Variants in KAT14 observed in about 807,000 individuals in gnomAD.
KAT14 encodes the protein cysteine-rich protein 2-binding protein.
A neutral mutation model predicts 78.4 loss-of-function variants in KAT14; 66 were observed. The observed-to-expected ratio is 0.84, with a 90% confidence interval of 0.69 to 1.03. KAT14 has a LOEUF of 1.03. Among genes scored for constraint, KAT14 ranks in the 50% least tolerant of loss-of-function variants. The pLI is 0.00. For missense variants in KAT14, 870 were observed against 972.5 expected, an observed-to-expected ratio of 0.89 and a Z score of 1.40; for synonymous variants, 344 against 359.4, an observed-to-expected ratio of 0.96 and a Z score of 0.48.
At chr20:18,167,905 A>G (rs535614498) in intron 7 of KAT14, among the ~76,000 whole-genome samples, 9 of 151,970 alleles carry the variant, frequency 5.9e-5, no homozygotes, top group Middle Eastern at 3.4e-3. Context: ...AAAAAAGTAC[A>G]TTTTCATGCA....
chr20:18,139,257 T>C (rs762475536), intron 1 of KAT14, among the ~76,000 whole-genome samples: 58 of 152,194 alleles, frequency 3.8e-4, no homozygotes, highest in Non-Finnish European at 7.1e-4. Flanking sequence ...GCTTTTGGAA[T>C]AGAGGCAGAA....
intron 3 of KAT14, among the ~76,000 whole-genome samples, chr20:18,150,439 C>G (rs541427362): frequency 1.3e-5 from 2 of 152,068 alleles, no homozygotes; most frequent in African/African-American, 4.8e-5. Context: ...CTGGAGGCCT[C>G]CTGCTGGCCA....
chr20:18,186,536 A>G (rs1412424033), intron 10 of KAT14, among the ~76,000 whole-genome samples: 2 of 152,188 alleles, frequency 1.3e-5, no homozygotes, highest in African/African-American at 2.4e-5. Flanking sequence ...AATCTCAAGG[A>G]CTCTATCAAC....
intron 7 of KAT14, among the ~76,000 whole-genome samples, chr20:18,175,657 C>A (rs897950613): frequency 1.3e-5 from 2 of 152,076 alleles, no homozygotes; most frequent in African/African-American, 4.8e-5. Context: ...CATTTTTTCT[C>A]ACTTATTTGA....
At position 18,162,778 on chromosome 20, in the gene KAT14, A is replaced by C. The variant is rs1166373796; in HGVS notation, c.1501A>C (p.Arg501=). The C allele has an allele frequency of 6.2e-7, 1 of 1,614,228 alleles. No individual in the cohort carries two copies. Among genetic ancestry groups the C allele is most frequent in the Non-Finnish European group, 8.5e-7 (1 of 1,180,040 alleles). The change falls in exon 7 of 11, where the codon AGG becomes CGG. Residue 501 remains arginine, a synonymous_variant. Transcript: ENST00000688188. Reference sequence around the variant, plus strand: ...CAAACTGATTGTCAGACAAGCGAAAAGGGATAGGGGATTACCACTTTTTGA... The same window carrying C: ...CAAACTGATTGTCAGACAAGCGAAACGGGATAGGGGATTACCACTTTTTGA... ...KRKLIVRQAK[R]DRGLPLFDLD...
rs753838675 is a variant in KAT14 at position 18,183,192 on chromosome 20, C to T, written c.1875C>T (p.Ser625=). The T allele has an allele frequency of 8.7e-6, 14 of 1,614,076 alleles. No homozygotes were observed. The highest frequency in any genetic ancestry group is 2.2e-5 in the East Asian group (1 of 44,874). Residue 625 remains serine, a synonymous_variant, in exon 9 of 11, where the codon AGC becomes AGT. Coordinates refer to ENST00000688188, the MANE Select transcript of KAT14 (RefSeq NM_001392073.1). ...LSQIRSHLHR[S]DPHWTPEPDA... The stretch of plus-strand genomic sequence containing the variant: ...AGATTCGTTCCCACCTGCACAGGAG[C>T]GACCCTCACTGGACGCCGGAGCCCG...
At chr20:18,184,566 A>C in intron 9 of KAT14, 36 bp from the exon 10 acceptor site, 1 of 1,572,124 alleles carries the variant, frequency 6.4e-7, no homozygotes, top group Non-Finnish European at 8.6e-7. Context: ...TCTCAAAGGC[A>C]TGTGGTTTGA....
Position 18,162,095 on chromosome 20 carries a change from C to T in KAT14, c.955C>T (p.Arg319Cys), listed in dbSNP as rs773813435. The T allele has an allele frequency of 9.9e-6, 16 of 1,614,064 alleles. No homozygotes were observed. Among genetic ancestry groups the T allele is most frequent in the South Asian group, 8.8e-5 (8 of 91,090 alleles). ...CTTTTCCTCCTTGAGCTCCTCTGAC[C>T]GCACCCCGCTGACAAGCCCATCTCC... ...IDFSSLSSSDRTPLTSPSPSP... is the reference protein window; with the variant it reads ...IDFSSLSSSDCTPLTSPSPSP... The change falls in exon 6 of 11, where the codon CGC becomes TGC. Residue 319 changes from arginine to cysteine, a missense_variant. Coordinates refer to ENST00000688188, the MANE Select transcript of KAT14 (RefSeq NM_001392073.1).
Position 18,142,584 on chromosome 20 carries a change from A to G in KAT14, c.-77A>G, listed in dbSNP as rs1482787311. ...AAGAGTCTGTCTGGGTGATCCTGGT[A>G]GAAGCCCCATTAGGGTCACTGTCCA... On this transcript the variant is annotated 5_prime_UTR_variant, in exon 2 of 11. Transcript: ENST00000688188. 12 of 1,580,024 alleles carry G rather than the reference A, an allele frequency of 7.6e-6. No homozygotes were observed. The highest frequency in any genetic ancestry group is 1.9e-4 in the Middle Eastern group (1 of 5,244).
intron 7 of KAT14, among the ~76,000 whole-genome samples, chr20:18,167,237 G>A (rs950317384): frequency 3.9e-5 from 6 of 152,158 alleles, no homozygotes; most frequent in East Asian, 1.9e-4. Context: ...GGATTTTAGC[G>A]GGTTCTGTAG....
intron 7 of KAT14, among the ~76,000 whole-genome samples, chr20:18,164,240 G>A (rs930098667): frequency 2.0e-5 from 3 of 152,136 alleles, no homozygotes. Context: ...GGAGCCCATC[G>A]TTTAGGAGGT....
chr20:18,187,369 T>C lies in KAT14; in HGVS notation c.2256T>C (p.Thr752=), dbSNP rs2039482457. The change falls in exon 11 of 11, where the codon ACT becomes ACC. Residue 752 remains threonine (T), a synonymous_variant. Coordinates refer to ENST00000688188, the MANE Select transcript of KAT14 (RefSeq NM_001392073.1). Reference sequence around the variant, plus strand: ...TGTACCAGAAGTTTGGATTCAAGACTGAAGAATATGTATTAGATTTCTATG... The same window carrying C: ...TGTACCAGAAGTTTGGATTCAAGACCGAAGAATATGTATTAGATTTCTATG... The part of the protein sequence containing the change: ...MLLYQKFGFK[T]EEYVLDFYDK... 1 of 1,614,112 alleles carries C rather than the reference T, an allele frequency of 6.2e-7. No individual in the cohort carries two copies. Among genetic ancestry groups the C allele is most frequent in the Admixed American group, 1.7e-5 (1 of 60,006 alleles).
chr20:18,146,847 CA>C (rs1228325892), intron 3 of KAT14, among the ~76,000 whole-genome samples: 124 of 134,972 alleles, frequency 9.2e-4, no homozygotes, highest in South Asian at 1.4e-3. Context: ...GACCCCATCT[CA>C]AAAAAAAAAA....
chr20:18,155,667 A>T (rs1204962421), intron 4 of KAT14, among the ~76,000 whole-genome samples: 1 of 152,242 alleles, frequency 6.6e-6, no homozygotes, highest in Non-Finnish European at 1.5e-5. Context: ...CATTAGGGAA[A>T]TGCAAATCAA....
intron 10 of KAT14, among the ~76,000 whole-genome samples, chr20:18,185,100 T>C (rs80349742): frequency 0.01 from 1,578 of 152,328 alleles, 26 homozygotes; most frequent in African/African-American, 0.036. Flanking sequence ...TTCATATTAG[T>C]AGTAGCTACT....
Position 18,138,010 on chromosome 20 carries a change from A to G in KAT14, c.-495A>G. The stretch of plus-strand genomic sequence containing the variant: ...CCTCTCGGTGCTGCTGACGGCGGCC[A>G]CAGTGGCCGGCGTACATGTGAAGCA... On this transcript the variant is annotated 5_prime_UTR_variant, in exon 1 of 11. Transcript: ENST00000688188. 2 of 1,502,510 alleles carry G rather than the reference A, an allele frequency of 1.3e-6. No homozygotes were observed. Among genetic ancestry groups the G allele is most frequent in the Non-Finnish European group, 1.8e-6 (2 of 1,132,372 alleles). 93.1% of individuals were successfully genotyped at this position (1,502,510 alleles called of 1,614,324 possible). A position where few individuals can be genotyped will look rare whatever the true frequency, so the allele number is the denominator to read the frequency against.
At position 18,162,598 on chromosome 20, in the gene KAT14, A is replaced by C; in HGVS notation, c.1321A>C (p.Arg441=). 6.2e-7 allele frequency: 1 copy of C among 1,614,202 alleles called. No homozygotes were observed. Among genetic ancestry groups the C allele is most frequent in the Non-Finnish European group, 8.5e-7 (1 of 1,180,028 alleles). ...AAACACATCTTTGCAAACAAGGGCTAGAGAAAAGAGGAAGCCTCAGCTGGA... is the reference window on the plus strand; with the variant it reads ...AAACACATCTTTGCAAACAAGGGCTCGAGAAAAGAGGAAGCCTCAGCTGGA... The part of the protein sequence containing the change: ...DSNTSLQTRA[R]EKRKPQLEKD... Residue 441 remains arginine, a synonymous_variant, in exon 7 of 11, where the codon AGA becomes CGA. Transcript: ENST00000688188.
At chr20:18,143,300 G>A (rs766205880) in intron 2 of KAT14, 45 of 491,790 alleles carry the variant, frequency 9.2e-5, no homozygotes, top group Non-Finnish European at 1.2e-4. Context: ...TAACTTACGT[G>A]GAGAACTCCT....
chr20:18,141,324 C>A (rs1163520965), intron 1 of KAT14, among the ~76,000 whole-genome samples: 1 of 152,100 alleles, frequency 6.6e-6, no homozygotes. Flanking sequence ...ACTAAGGTAA[C>A]TACCATTGAT....
Sources: allele counts gnomAD v4.1 joint callset (sites outside exome capture counted in the v4.1 genomes callset), GRCh38; gene constraint gnomAD v4.1.1; transcripts MANE v1.5; gene names NCBI Gene and HGNC (gene_info 2026-07-23, HGNC 2026-07-21).